Variants in TTLL11 observed in about 807,000 individuals in gnomAD.
TTLL11 encodes the protein tubulin tyrosine ligase like 11.
A neutral mutation model predicts 51.7 loss-of-function variants in TTLL11; 42 were observed. The ratio of observed to expected loss-of-function variants is 0.81; its 90% CI spans 0.64 to 1.05. The LOEUF is 1.05. Ranked by LOEUF, TTLL11 falls within the 50% of genes least tolerant of loss-of-function variation. The pLI, the probability that TTLL11 is intolerant of heterozygous loss-of-function variation, is 0.00. For synonymous variants in TTLL11, 381 were observed against 383.5 expected (o/e 0.99, Z 0.08); for missense variants, 799 against 940.4 (o/e 0.85, Z 1.97).
chr9:121,906,449 A>G (rs1384732949), intron 6 of TTLL11, among the ~76,000 whole-genome samples: 4 of 152,146 alleles, frequency 2.6e-5, no homozygotes, highest in African/African-American at 9.7e-5. Flanking sequence ...GCCTCATTTA[A>G]CACTTGTCTT....
intron 6 of TTLL11, among the ~76,000 whole-genome samples, chr9:121,920,642 C>T (rs564517058): frequency 6.6e-6 from 1 of 152,304 alleles, no homozygotes; most frequent in South Asian, 2.1e-4. Context: ...GAGATGGCCA[C>T]CTCATCTCTA....
intron 8 of TTLL11, among the ~76,000 whole-genome samples, chr9:121,837,369 A>G (rs1199761356): frequency 6.6e-6 from 1 of 152,110 alleles, no homozygotes. Context: ...TGGGGTTGGG[A>G]TCTTCAAGGA....
intron 6 of TTLL11, among the ~76,000 whole-genome samples, chr9:121,928,496 AGTGGC>A (rs1840830669): frequency 6.8e-6 from 1 of 147,476 alleles, no homozygotes; most frequent in South Asian, 2.1e-4. Context: ...GCTGCAGTGC[AGTGGC>A]GTGTTCTCGG....
At position 122,082,246 on chromosome 9, in the gene TTLL11, G is replaced by A. The variant is rs144214634; in HGVS notation, c.462+10441C>T. Among the ~76,000 whole-genome samples, 815 of 152,336 alleles carry A rather than the reference G, an allele frequency of 5.4e-3. 2 individuals are homozygous for A. The highest frequency in any genetic ancestry group is 8.5e-3 in the Non-Finnish European group (581 of 68,030). ...AGGCCAGGTGCAGTGGCTCACGCCT[G>A]TAATCCCAACACTTTGGGAGGCCAA... On this transcript the variant is annotated intron_variant, in intron 1 of 8. Coordinates refer to ENST00000321582, the MANE Select transcript of TTLL11 (RefSeq NM_001139442.2).
chr9:122,058,185 G>A (rs1035083026), intron 1 of TTLL11, among the ~76,000 whole-genome samples: 1 of 152,318 alleles, frequency 6.6e-6, no homozygotes, highest in South Asian at 2.1e-4. Flanking sequence ...AGGTTTCCTC[G>A]AGGCAGGAAC....
In TTLL11 at chr9:121,819,950, C is replaced by T. The variant is rs1180904553; in HGVS notation, c.*2637G>A. Among the ~76,000 whole-genome samples the T allele has an allele frequency of 1.3e-5, 2 of 152,170 alleles. No homozygotes were observed. The highest frequency in any genetic ancestry group is 2.4e-5 in the African/African-American group (1 of 41,444). On this transcript the variant is annotated 3_prime_UTR_variant, in exon 9 of 9. Transcript: ENST00000321582. Reference sequence around the variant, plus strand: ...TGCTTTCAGTTAAACTGAAAAGGGCCAATCTGTCAGGACTGGCCTCTCATA... The same window carrying T: ...TGCTTTCAGTTAAACTGAAAAGGGCTAATCTGTCAGGACTGGCCTCTCATA...
intron 6 of TTLL11, among the ~76,000 whole-genome samples, chr9:121,932,205 GCAGC>G (rs1841012922): frequency 6.8e-6 from 1 of 146,808 alleles, no homozygotes; most frequent in Non-Finnish European, 1.5e-5. Flanking sequence ...ATCCCAGGAT[GCAGC>G]AAGAAGCCTG....
chr9:122,027,618 T>C (rs1042302338), intron 3 of TTLL11, among the ~76,000 whole-genome samples: 1 of 152,210 alleles, frequency 6.6e-6, no homozygotes, highest in African/African-American at 2.4e-5. Flanking sequence ...GCTCTCTCTG[T>C]CCTATTTTTG....
intron 1 of TTLL11, among the ~76,000 whole-genome samples, chr9:122,072,975 T>G (rs1172734051): frequency 1.3e-5 from 2 of 152,174 alleles, no homozygotes. Flanking sequence ...AGAAAATGTT[T>G]GAGGAATGAA....
intron 3 of TTLL11, among the ~76,000 whole-genome samples, chr9:122,024,622 C>T (rs1675868308): frequency 6.6e-6 from 1 of 152,124 alleles, no homozygotes; most frequent in African/African-American, 2.4e-5. Flanking sequence ...AGAAATATAC[C>T]TACACATATT....
chr9:121,960,589 C>T (rs7849809), intron 6 of TTLL11, among the ~76,000 whole-genome samples: 11,741 of 152,120 alleles, frequency 0.077, 684 homozygotes, highest in African/African-American at 0.16. Context: ...ACAGAGGCTA[C>T]GGGCATCACC....
intron 6 of TTLL11, among the ~76,000 whole-genome samples, chr9:121,879,365 TAACA>T (rs1369395394): frequency 9.2e-5 from 14 of 152,320 alleles, no homozygotes; most frequent in South Asian, 2.1e-4. Flanking sequence ...CAGGACCACC[TAACA>T]AACCCTCCAC....
intron 7 of TTLL11, among the ~76,000 whole-genome samples, chr9:121,865,506 G>A (rs965396120): frequency 2.6e-5 from 4 of 152,112 alleles, no homozygotes; most frequent in South Asian, 2.1e-4. Context: ...TGCAGCATAC[G>A]CAAACTGATG....
At chr9:121,947,291 T>G (rs1269146222) in intron 6 of TTLL11, among the ~76,000 whole-genome samples, 1 of 152,164 alleles carries the variant, frequency 6.6e-6, no homozygotes, top group Non-Finnish European at 1.5e-5. Flanking sequence ...TTTGTTTTGT[T>G]TTTTGAAACC....
At chr9:121,916,982 G>A (rs528332787) in intron 6 of TTLL11, among the ~76,000 whole-genome samples, 1 of 152,104 alleles carries the variant, frequency 6.6e-6, no homozygotes, top group African/African-American at 2.4e-5. Context: ...TGTTTAGGTA[G>A]CCATGCTCTT....
chr9:122,012,678 GCACACA>G (rs375690929), intron 3 of TTLL11, among the ~76,000 whole-genome samples: 9 of 142,554 alleles, frequency 6.3e-5, no homozygotes, highest in Admixed American at 1.4e-4. Context: ...ACACACACAC[GCACACA>G]CACACACACA....
At chr9:121,893,731 A>G (rs1356582434) in intron 6 of TTLL11, among the ~76,000 whole-genome samples, 6 of 152,172 alleles carry the variant, frequency 3.9e-5, no homozygotes, top group Admixed American at 2.0e-4. Flanking sequence ...GGAGACAAAG[A>G]TTATCCCACT....
intron 6 of TTLL11, among the ~76,000 whole-genome samples, chr9:121,875,734 C>T (rs4240472): frequency 0.62 from 94,365 of 152,094 alleles, 29,498 homozygotes; most frequent in East Asian, 0.89. Context: ...ATGGAAATGT[C>T]GGGCTTATGA....
chr9:122,067,921 T>C (rs769534735), intron 1 of TTLL11, among the ~76,000 whole-genome samples: 1 of 152,246 alleles, frequency 6.6e-6, no homozygotes, highest in East Asian at 1.9e-4. Flanking sequence ...ACATTCCAAA[T>C]TTTATACCTT....
Sources: allele counts gnomAD v4.1 joint callset (sites outside exome capture counted in the v4.1 genomes callset), GRCh38; gene constraint gnomAD v4.1.1; transcripts MANE v1.5; gene names NCBI Gene and HGNC (gene_info 2026-07-23, HGNC 2026-07-21).